ZNF385D: variants seen among roughly 807,000 people sequenced by gnomAD.
The protein encoded by ZNF385D is zinc finger protein 385D.
A neutral mutation model predicts 35.8 loss-of-function variants in ZNF385D; 15 were observed. The observed-to-expected ratio is 0.42, with a 90% CI of 0.28 to 0.64. ZNF385D has a LOEUF of 0.64. ZNF385D is among the 30% of genes least tolerant of loss of function. The pLI is 0.23. For missense variants in ZNF385D, 474 were observed against 494.6 expected (o/e 0.96, Z 0.39); for synonymous variants, 212 against 186.8 (o/e 1.13, Z -1.10).
At chr3:21,750,421 C>T (rs1299638264) in intron 1 of ZNF385D, among the ~76,000 whole-genome samples, 2 of 152,212 alleles carry the variant, frequency 1.3e-5, no homozygotes, top group African/African-American at 4.8e-5. Flanking sequence ...AGCTGCTCAA[C>T]CACACTGCTC....
At chr3:21,892,999 A>G (rs1408722466) in intron 3 of ZNF385D, among the ~76,000 whole-genome samples, 2 of 152,220 alleles carry the variant, frequency 1.3e-5, no homozygotes, top group African/African-American at 4.8e-5. Flanking sequence ...TTTTTACAAT[A>G]AACTCCAATC....
intron 3 of ZNF385D, among the ~76,000 whole-genome samples, chr3:21,999,433 G>T (rs1695697173): frequency 6.6e-6 from 1 of 151,968 alleles, no homozygotes; most frequent in East Asian, 1.9e-4. Flanking sequence ...TAAATGATTT[G>T]CGAGTAAAAT....
intron 1 of ZNF385D, among the ~76,000 whole-genome samples, chr3:21,743,231 T>C (rs775952435): frequency 5.9e-5 from 9 of 152,206 alleles, no homozygotes; most frequent in Non-Finnish European, 1.3e-4. Flanking sequence ...ATGGGGTCAC[T>C]GTAAATATCA....
intron 2 of ZNF385D, among the ~76,000 whole-genome samples, chr3:22,176,500 TAC>T (rs1694840925): frequency 6.6e-6 from 1 of 152,186 alleles, no homozygotes; most frequent in East Asian, 1.9e-4. Flanking sequence ...GCATTTCAAG[TAC>T]AGTTTTTATC....
chr3:22,136,453 T>A (rs1013796859), intron 3 of ZNF385D, among the ~76,000 whole-genome samples: 1 of 151,308 alleles, frequency 6.6e-6, no homozygotes, highest in African/African-American at 2.4e-5. Flanking sequence ...GTTAAACACA[T>A]TGCTAAAAAA....
At chr3:21,761,831 T>C (rs1022530122) in intron 3 of ZNF385D, among the ~76,000 whole-genome samples, 1 of 150,752 alleles carries the variant, frequency 6.6e-6, no homozygotes, top group Non-Finnish European at 1.5e-5. Flanking sequence ...TTTAAAGTCA[T>C]AATGGCTTAA....
At chr3:21,856,359 G>A (rs923826487) in intron 3 of ZNF385D, among the ~76,000 whole-genome samples, 2 of 151,800 alleles carry the variant, frequency 1.3e-5, no homozygotes, top group African/African-American at 4.8e-5. Context: ...CAATCCCTTG[G>A]CTTTAAATAA....
intron 3 of ZNF385D, among the ~76,000 whole-genome samples, chr3:21,851,067 TA>T (rs1363714625): frequency 6.6e-6 from 1 of 151,612 alleles, no homozygotes; most frequent in Non-Finnish European, 1.5e-5. Context: ...ACAAGGATTT[TA>T]AAACAGCTAA....
chr3:22,097,236 A>G (rs1701681425), intron 3 of ZNF385D, among the ~76,000 whole-genome samples: 1 of 152,024 alleles, frequency 6.6e-6, no homozygotes. Flanking sequence ...ATACATTTTG[A>G]GGTGGTTTGT....
At position 22,066,225 on chromosome 3, in the gene ZNF385D, GAC is replaced by G. The variant is rs149618876; in HGVS notation, c.325+102590_325+102591del. Among the ~76,000 whole-genome samples, 1,305 of 152,128 alleles carry G rather than the reference GAC, an allele frequency of 8.6e-3. 13 individuals carry two copies. The highest frequency in any genetic ancestry group is 0.03 in the African/African-American group (1,236 of 41,482). ...AGTTATGCTCAGAAAAGAAAAGAGA[GAC>G]TGCTTATGAAACAAGTGTAGTTTGG... On this transcript the variant is annotated intron_variant, in intron 3 of 5. Transcript: ENST00000494108.
intron 2 of ZNF385D, among the ~76,000 whole-genome samples, chr3:22,235,361 G>A (rs1576540862): frequency 6.6e-6 from 1 of 152,112 alleles, no homozygotes; most frequent in East Asian, 1.9e-4. Context: ...AATACTGAAA[G>A]AAGGTAAAGT....
At chr3:21,984,928 A>T (rs1187230843) in intron 3 of ZNF385D, among the ~76,000 whole-genome samples, 3 of 148,384 alleles carry the variant, frequency 2.0e-5, no homozygotes, top group Non-Finnish European at 4.5e-5. Context: ...CTTTGAAGCA[A>T]TTGTGAATGG....
At position 21,697,739 on chromosome 3, in the gene ZNF385D, C is replaced by T. The variant is rs528752876; in HGVS notation, c.23-32711G>A. Among the ~76,000 whole-genome samples, 303 of 151,940 alleles carry T rather than the reference C, an allele frequency of 2.0e-3. 1 individual carries two copies. The highest frequency in any genetic ancestry group is 3.1e-3 in the Non-Finnish European group (210 of 67,906). Reference sequence around the variant, plus strand: ...AAGGACTAACATCCAGAATCTACAACAAACTCAAATAACTCAACAAGAAAA... The same window carrying T: ...AAGGACTAACATCCAGAATCTACAATAAACTCAAATAACTCAACAAGAAAA... On this transcript the variant is annotated intron_variant, in intron 1 of 7. Transcript: ENST00000281523.
intron 3 of ZNF385D, among the ~76,000 whole-genome samples, chr3:21,771,048 C>T (rs1234105620): frequency 7.1e-6 from 1 of 140,456 alleles, no homozygotes; most frequent in Non-Finnish European, 1.5e-5. Flanking sequence ...AATGAAAACA[C>T]TTGGACACAG....
intron 1 of ZNF385D, among the ~76,000 whole-genome samples, chr3:21,690,110 T>C (rs557800547): frequency 6.6e-6 from 1 of 152,286 alleles, no homozygotes; most frequent in African/African-American, 2.4e-5. Flanking sequence ...ACATGTAACA[T>C]ATTTCAGTAA....
intron 2 of ZNF385D, among the ~76,000 whole-genome samples, chr3:22,215,704 T>C (rs1697833049): frequency 6.6e-6 from 1 of 152,030 alleles, no homozygotes; most frequent in Admixed American, 6.6e-5. Flanking sequence ...TGCCTTGTGA[T>C]ATTCTATTAC....
chr3:21,920,622 CAAAAA>C (rs71044953), intron 3 of ZNF385D, among the ~76,000 whole-genome samples: 1 of 129,996 alleles, frequency 7.7e-6, no homozygotes, highest in East Asian at 2.2e-4. Flanking sequence ...GATACAATGC[CAAAAA>C]AAAAAAAAAA....
chr3:21,492,889 C>T (rs574638174), intron 4 of ZNF385D, among the ~76,000 whole-genome samples: 163 of 152,018 alleles, frequency 1.1e-3, no homozygotes, highest in African/African-American at 3.4e-3. Context: ...AAGATGTTAC[C>T]TTTACCTTTT....
chr3:22,282,362 CA>C (rs1701796742), intron 2 of ZNF385D, among the ~76,000 whole-genome samples: 1 of 152,018 alleles, frequency 6.6e-6, no homozygotes, highest in Non-Finnish European at 1.5e-5. Flanking sequence ...TTGATGTAAA[CA>C]TTTAACACTA....
Sources: gnomAD v4.1 joint callset for allele counts (sites outside exome capture counted in the v4.1 genomes callset) on GRCh38, gnomAD v4.1.1 for gene constraint, MANE v1.5 for transcripts, NCBI Gene and HGNC (gene_info 2026-07-23, HGNC 2026-07-21) for gene names.